Variants in CSE1L observed in about 807,000 individuals in gnomAD.
The protein encoded by CSE1L is exportin-2.
In CSE1L, 24 loss-of-function variants were observed where a neutral mutation model predicts 120.4. That is an observed-to-expected ratio of 0.20 (90% CI 0.14 to 0.28). The LOEUF (loss-of-function observed/expected upper bound fraction) is 0.28. Among genes scored for constraint, CSE1L ranks in the 10% least tolerant of loss-of-function variants. The pLI, the probability that CSE1L is intolerant of heterozygous loss-of-function variation, is 1.00. For missense variants in CSE1L, 830 were observed against 1,145.2 expected, an observed-to-expected ratio of 0.72 and a Z score of 3.97; for synonymous variants, 402 against 398.3, an observed-to-expected ratio of 1.01 and a Z score of -0.11.
intron 19 of CSE1L, 56 bp downstream of exon 19, chr20:49,089,802 G>A (rs780197816): frequency 1.3e-6 from 2 of 1,497,966 alleles, no homozygotes; most frequent in Non-Finnish European, 1.8e-6. Context: ...AGAAACTGGG[G>A]ATGGCAGATG....
intron 17 of CSE1L, among the ~76,000 whole-genome samples, chr20:49,088,863 T>C (rs938222316): frequency 6.6e-5 from 10 of 152,182 alleles, no homozygotes; most frequent in Admixed American, 6.5e-4. Context: ...AAATGGGGTT[T>C]TGTTGCTTAA....
chr20:49,095,023 ATAG>A (rs1201332104), intron 24 of CSE1L, 60 bp downstream of exon 24: 7 of 1,279,926 alleles, frequency 5.5e-6, no homozygotes, highest in East Asian at 2.3e-5. Flanking sequence ...GGGCAAAAGG[ATAG>A]TAGTAGTTCT....
intron 7 of CSE1L, among the ~76,000 whole-genome samples, chr20:49,069,494 C>T (rs529509085): frequency 7.7e-4 from 117 of 152,306 alleles, no homozygotes; most frequent in African/African-American, 2.6e-3. Flanking sequence ...GTAGCCAGTA[C>T]CTGGACTTAC....
At chr20:49,052,328 G>A (rs1405468154) in intron 1 of CSE1L, among the ~76,000 whole-genome samples, 1 of 152,202 alleles carries the variant, frequency 6.6e-6, no homozygotes, top group African/African-American at 2.4e-5. Flanking sequence ...TGTATGAGAC[G>A]ACAAAGAAGT....
rs35367415 is a variant in CSE1L, at chr20:49,096,393, G to T, written c.2871G>T (p.Gln957His). Residue 957 changes from glutamine (Q) to histidine (H), a missense_variant, in exon 25 of 25, where the codon CAG becomes CAT. Gln to His is a conservative substitution (Grantham distance 24, BLOSUM62 0). Transcript: ENST00000262982. ...CCAGCCTGAATGCAGAAGCGCTCCA[G>T]TATCTCCAAGGGTACCTTCAGGCAG... ...VSTSLNAEAL[Q>H]YLQGYLQAAS... The T allele has an allele frequency of 7.0e-3, 11,375 of 1,614,140 alleles. 241 individuals are homozygous for T. Among genetic ancestry groups the T allele is most frequent in the South Asian group, 0.051 (4,607 of 91,064 alleles).
intron 14 of CSE1L, among the ~76,000 whole-genome samples, chr20:49,083,303 G>A (rs1032583233): frequency 1.6e-4 from 25 of 152,336 alleles, no homozygotes; most frequent in African/African-American, 4.6e-4. Context: ...ACAGGCGTGA[G>A]CCGCCACTGC....
chr20:49,091,982 C>A, intron 21 of CSE1L, 64 bp from the exon 22 acceptor site: 1 of 857,494 alleles, frequency 1.2e-6, no homozygotes, highest in Non-Finnish European at 1.9e-6. Context: ...ATTTTGCAGA[C>A]TTATCAGTTA....
intron 10 of CSE1L, among the ~76,000 whole-genome samples, chr20:49,073,332 C>G (rs1437387031): frequency 1.3e-5 from 2 of 151,990 alleles, no homozygotes; most frequent in Admixed American, 6.6e-5. Context: ...TTTAAACAAT[C>G]GACTTGAGAA....
At chr20:49,083,700 C>T (rs1432938787) in intron 14 of CSE1L, among the ~76,000 whole-genome samples, 3 of 152,172 alleles carry the variant, frequency 2.0e-5, no homozygotes, top group Non-Finnish European at 4.4e-5. Flanking sequence ...ATAACTTTTT[C>T]AAGAAATATC....
In CSE1L at chr20:49,091,561, C is replaced by G. The variant is rs551626974; in HGVS notation, c.2366-485C>G. On this transcript the variant is annotated intron_variant, in intron 21 of 24. Transcript: ENST00000262982. ...CCAGCCTGGGCAACATGGTAAGACC[C>G]TGTCTCTACAAAACAGCCAAGCATG... Among the ~76,000 whole-genome samples, 13 of 152,120 alleles carry G rather than the reference C, an allele frequency of 8.5e-5. No individual in the cohort carries two copies. The South Asian group carries it at 2.7e-3, about 32-fold the overall frequency.
At chr20:49,076,655 G>C (rs1010373058) in intron 12 of CSE1L, among the ~76,000 whole-genome samples, 1 of 147,636 alleles carries the variant, frequency 6.8e-6, no homozygotes, top group Non-Finnish European at 1.5e-5. Flanking sequence ...TCAGCCTCCC[G>C]AGTAGCTAGA....
intron 2 of CSE1L, among the ~76,000 whole-genome samples, chr20:49,059,316 T>A (rs2091833880): frequency 6.6e-6 from 1 of 152,070 alleles, no homozygotes; most frequent in African/African-American, 2.4e-5. Context: ...CCTTCCTGAA[T>A]CTGACCAGAT....
chr20:49,085,180 C>T (rs2092045517), intron 15 of CSE1L, 103 bp from the exon 16 acceptor site: 2 of 803,854 alleles, frequency 2.5e-6, no homozygotes, highest in East Asian at 2.5e-5. Context: ...TGGGAGATGG[C>T]TCAGTTTTAT....
chr20:49,061,136 T>A (rs1370787990), intron 2 of CSE1L, among the ~76,000 whole-genome samples: 1 of 151,970 alleles, frequency 6.6e-6, no homozygotes, highest in Non-Finnish European at 1.5e-5. Flanking sequence ...TCTTAGACTT[T>A]CAAAGAAAGC....
chr20:49,067,521 A>C (rs2123696630), intron 6 of CSE1L, among the ~76,000 whole-genome samples: 1 of 152,308 alleles, frequency 6.6e-6, no homozygotes, highest in Admixed American at 6.5e-5. Flanking sequence ...GGAATGTTAT[A>C]AAAGCAAATC....
At position 49,094,199 on chromosome 20, in the gene CSE1L, A is replaced by G. The variant is rs2145759039; in HGVS notation, c.2507A>G (p.Asn836Ser). The G allele has an allele frequency of 1.9e-6, 3 of 1,605,606 alleles. No homozygotes were observed. The highest frequency in any genetic ancestry group is 1.7e-4 in the Middle Eastern group (1 of 6,034). Residue 836 changes from asparagine (N) to serine (S), a missense_variant, in exon 23 of 25, where the codon AAT becomes AGT. Asn to Ser is a conservative substitution (Grantham distance 46, BLOSUM62 1). Around this residue, in one of 4 missense-constraint regions of CSE1L, gnomAD observed 112 missense variants for 200.0 expected, o/e 0.56. Transcript: ENST00000262982. The part of the protein sequence containing the change: ...IIPEIQKVSG[N>S]VEKKICAVGI... ...CCTGAAATTCAGAAGGTATCTGGAA[A>G]TGTAGAGAAAAAGATCTGTGCGGTT... is the stretch of plus-strand genomic sequence containing the variant.
At chr20:49,094,334 T>C (rs1337339173) in intron 23 of CSE1L, 48 bp downstream of exon 23, 1 of 1,552,492 alleles carries the variant, frequency 6.4e-7, no homozygotes. Flanking sequence ...TTCCTTCCCA[T>C]ATGACTGCAA....
intron 13 of CSE1L, among the ~76,000 whole-genome samples, chr20:49,078,259 T>C (rs2091984158): frequency 6.6e-6 from 1 of 152,178 alleles, no homozygotes; most frequent in Non-Finnish European, 1.5e-5. Flanking sequence ...GAGAGACATG[T>C]TTCTAATTCA....
chr20:49,059,533 A>C (rs1486420351), intron 2 of CSE1L, among the ~76,000 whole-genome samples: 1 of 152,172 alleles, frequency 6.6e-6, no homozygotes, highest in African/African-American at 2.4e-5. Flanking sequence ...TGCTTGAAAA[A>C]TAAGGATATT....
Sources: allele counts gnomAD v4.1 joint callset (sites outside exome capture counted in the v4.1 genomes callset), GRCh38; gene constraint gnomAD v4.1.1; regional missense constraint gnomAD v4.1.1; transcripts MANE v1.5; gene names NCBI Gene and HGNC (gene_info 2026-07-23, HGNC 2026-07-21).